Variants in STRN3 observed in about 807,000 individuals in gnomAD.
The protein encoded by STRN3 is striatin 3.
Under a neutral mutation model 95.6 loss-of-function variants are expected in STRN3, and 29 were observed. That is an observed-to-expected ratio of 0.30 (90% CI 0.23 to 0.41). The LOEUF (loss-of-function observed/expected upper bound fraction) is 0.41. Among genes scored for constraint, STRN3 ranks in the 10% least tolerant of loss-of-function variants. The pLI is 1.00. For synonymous variants in STRN3, 331 were observed against 357.6 expected (o/e 0.93, Z 0.84); for missense variants, 890 against 972.1 (o/e 0.92, Z 1.12).
chr14:30,982,012 C>G (rs1881428046), intron 1 of STRN3, among the ~76,000 whole-genome samples: 1 of 141,086 alleles, frequency 7.1e-6, no homozygotes. Flanking sequence ...AGGGGAACTG[C>G]TTGAACCCGG....
intron 5 of STRN3, 133 bp downstream of exon 5, chr14:30,946,957 C>T (rs542512275): frequency 1.6e-5 from 9 of 551,252 alleles, no homozygotes; most frequent in South Asian, 1.3e-4. Context: ...CCAGCTTGGG[C>T]GACAAGAGCA....
intron 8 of STRN3, among the ~76,000 whole-genome samples, chr14:30,926,874 C>G (rs936155549): frequency 6.6e-6 from 1 of 152,084 alleles, no homozygotes; most frequent in Non-Finnish European, 1.5e-5. Context: ...ATTTCATATA[C>G]TGAGTTCCTC....
In STRN3 at chr14:30,911,003, T is replaced by C. The variant is rs374654898; in HGVS notation, c.1720+38A>G. 9 of 1,539,452 alleles carry C rather than the reference T, an allele frequency of 5.8e-6. No homozygotes were observed. In the South Asian group the frequency reaches 1.0e-4, roughly 17 times the overall value. ...GAGGTATTTACTTTTGTCAGCTCCA[T>C]TCACTTAAAAAAAATACATTTTGAT... On this transcript the variant is annotated intron_variant, in intron 13 of 17. Transcript: ENST00000357479.
intron 10 of STRN3, 138 bp from the exon 11 acceptor site, chr14:30,912,320 T>A: frequency 2.8e-6 from 2 of 726,294 alleles, no homozygotes; most frequent in Non-Finnish European, 4.2e-6. Flanking sequence ...AAATTTAATG[T>A]ACCTTTAAAA....
At chr14:30,993,530 A>T (rs1477613116) in intron 1 of STRN3, among the ~76,000 whole-genome samples, 3 of 152,226 alleles carry the variant, frequency 2.0e-5, no homozygotes, top group Admixed American at 6.5e-5. Flanking sequence ...TGAAGACTGA[A>T]ATTGTCAGAA....
chr14:30,993,214 C>T lies in STRN3; in HGVS notation c.282+32690G>A, dbSNP rs1338442954. ...AGGTTGCAGTGAGCTATGATCCCAC[C>T]ACTCCCTTACAGCCTGGGTGACAAA... On this transcript the variant is annotated intron_variant, in intron 1 of 17. Coordinates refer to ENST00000357479, the MANE Select transcript of STRN3 (RefSeq NM_001083893.2). Among the ~76,000 whole-genome samples the T allele has an allele frequency of 2.0e-5, 3 of 148,990 alleles. No homozygotes were observed. In the East Asian group the frequency reaches 5.9e-4, roughly 29 times the overall value.
At chr14:31,013,251 T>C (rs368863719) in intron 1 of STRN3, among the ~76,000 whole-genome samples, 1 of 151,884 alleles carries the variant, frequency 6.6e-6, no homozygotes, top group African/African-American at 2.4e-5. Context: ...AGCAGGTTCC[T>C]GTAGTTCCAA....
In STRN3 at chr14:30,919,366, T is replaced by G. The variant is rs559818540; in HGVS notation, c.1100-260A>C. On this transcript the variant is annotated intron_variant, in intron 8 of 17. Coordinates refer to ENST00000357479, the MANE Select transcript of STRN3 (RefSeq NM_001083893.2). ...ATATATGTCTCTCTCTAAAGAGATATATATATATATATATATCTCCACAGA... is the reference window on the plus strand; with the variant it reads ...ATATATGTCTCTCTCTAAAGAGATAGATATATATATATATATCTCCACAGA... 2.1e-3 allele frequency among the ~76,000 whole-genome samples: 313 copies of G among 150,784 alleles called. 3 individuals carry two copies. The East Asian group carries it at 0.021, about 10-fold the overall frequency.
chr14:30,921,878 T>C (rs1245095490), intron 8 of STRN3, among the ~76,000 whole-genome samples: 1 of 152,166 alleles, frequency 6.6e-6, no homozygotes, highest in East Asian at 1.9e-4. Context: ...TTAATTTTTA[T>C]TATTATTTGT....
At chr14:30,955,871 C>G (rs543700323) in intron 2 of STRN3, among the ~76,000 whole-genome samples, 178 bp from the exon 3 acceptor site, 2 of 152,164 alleles carry the variant, frequency 1.3e-5, no homozygotes, top group African/African-American at 2.4e-5. Flanking sequence ...CCAAGTAACA[C>G]ATACCCAAAA....
chr14:30,998,743 AAAAC>A (rs1173050080), intron 1 of STRN3, among the ~76,000 whole-genome samples: 1 of 104,086 alleles, frequency 9.6e-6, no homozygotes, highest in African/African-American at 3.9e-5. Context: ...TAGACTTCAC[AAAAC>A]AAACAACAAA....
chr14:31,023,288 C>T (rs909926277), intron 1 of STRN3, among the ~76,000 whole-genome samples: 1 of 152,056 alleles, frequency 6.6e-6, no homozygotes, highest in Non-Finnish European at 1.5e-5. Flanking sequence ...AACCACTGTC[C>T]TATGACCTTA....
chr14:31,007,591 G>A (rs1566489184), intron 1 of STRN3, among the ~76,000 whole-genome samples: 1 of 152,148 alleles, frequency 6.6e-6, no homozygotes, highest in African/African-American at 2.4e-5. Flanking sequence ...ATAGTAAGAA[G>A]CCAAAAGGTA....
At chr14:30,927,891 C>T (rs1191221172) in intron 8 of STRN3, among the ~76,000 whole-genome samples, 1 of 147,698 alleles carries the variant, frequency 6.8e-6, no homozygotes, top group Non-Finnish European at 1.5e-5. Flanking sequence ...CGAGATTGCA[C>T]CGCTGCACTC....
chr14:30,979,033 CAAAAAAAAAA>C lies in STRN3; in HGVS notation c.283-22801_283-22792del, dbSNP rs10585744. On this transcript the variant is annotated intron_variant, in intron 1 of 17. Transcript: ENST00000357479. ...TGGGCAACAGTGTGAGACTCCATCT[CAAAAAAAAAA>C]AAAAAAAAAAAAAAAAAGGCAATTA... Among the ~76,000 whole-genome samples, 11 of 65,474 alleles carry C rather than the reference CAAAAAAAAAA, an allele frequency of 1.7e-4. No individual in the cohort carries two copies. In the East Asian group the frequency reaches 2.0e-3, roughly 12 times the overall value. The allele number at this position is 65,474 out of a possible 152,430, so 43.0% of individuals were successfully genotyped here.
At chr14:30,997,339 A>C (rs1463090565) in intron 1 of STRN3, among the ~76,000 whole-genome samples, 1 of 152,170 alleles carries the variant, frequency 6.6e-6, no homozygotes, top group Non-Finnish European at 1.5e-5. Flanking sequence ...TTTAATATAC[A>C]AATGAATTAA....
chr14:31,014,775 CT>C (rs772182416), intron 1 of STRN3: 19 of 432,086 alleles, frequency 4.4e-5, no homozygotes, highest in East Asian at 7.3e-5. Flanking sequence ...CTTTTTTAAC[CT>C]TTTTTTCTTT....
At chr14:31,014,774 C>G in intron 1 of STRN3, 1 of 434,828 alleles carries the variant, frequency 2.3e-6, no homozygotes, top group Non-Finnish European at 4.6e-6. Context: ...CCTTTTTTAA[C>G]CTTTTTTTCT....
At chr14:30,899,945 T>C (rs1184294407) in intron 16 of STRN3, among the ~76,000 whole-genome samples, 2 of 152,200 alleles carry the variant, frequency 1.3e-5, no homozygotes, top group African/African-American at 4.8e-5. Flanking sequence ...TCAATAAATT[T>C]AATACTCATT....
Sources: allele counts gnomAD v4.1 joint callset (sites outside exome capture counted in the v4.1 genomes callset), GRCh38; gene constraint gnomAD v4.1.1; transcripts MANE v1.5; gene names NCBI Gene and HGNC (gene_info 2026-07-23, HGNC 2026-07-21).